Variants in TTC28 observed in about 807,000 individuals in gnomAD.
The protein encoded by TTC28 is tetratricopeptide repeat domain 28, also known as tetratricopeptide repeat protein 28.
Under a neutral mutation model 198.0 loss-of-function variants are expected in TTC28, and 61 were observed. The observed-to-expected ratio is 0.31, with a 90% CI of 0.25 to 0.38. The LOEUF is 0.38. Ranked by LOEUF, TTC28 falls within the 10% of genes least tolerant of loss-of-function variation. TTC28 has a pLI of 1.00. For synonymous variants in TTC28, 1,171 were observed against 1,297.8 expected (o/e 0.90, Z 2.10); for missense variants, 2,678 against 3,164.0 (o/e 0.85, Z 3.69).
At chr22:28,484,825 T>C (rs568877989) in intron 2 of TTC28, among the ~76,000 whole-genome samples, 45 of 152,350 alleles carry the variant, frequency 3.0e-4, no homozygotes, top group Admixed American at 2.9e-3. Flanking sequence ...AAGACTCTTC[T>C]GGGTTATTTC....
At chr22:28,160,431 A>C (rs1223599547) in intron 6 of TTC28, among the ~76,000 whole-genome samples, 1 of 152,230 alleles carries the variant, frequency 6.6e-6, no homozygotes, top group Non-Finnish European at 1.5e-5. Flanking sequence ...ATCAAGGAAC[A>C]AAATATGACA....
chr22:28,601,653 T>A (rs2050640051), intron 2 of TTC28, among the ~76,000 whole-genome samples: 1 of 151,966 alleles, frequency 6.6e-6, no homozygotes, highest in Admixed American at 6.6e-5. Flanking sequence ...CTGGAACCAA[T>A]CTCCCAAGAT....
intron 2 of TTC28, among the ~76,000 whole-genome samples, chr22:28,444,829 C>G (rs976313883): frequency 6.6e-6 from 1 of 152,194 alleles, no homozygotes; most frequent in African/African-American, 2.4e-5. Flanking sequence ...CTGCCAGTCC[C>G]TGTTCCAAGT....
intron 2 of TTC28, among the ~76,000 whole-genome samples, chr22:28,612,756 A>G (rs765988043): frequency 2.0e-5 from 3 of 152,154 alleles, no homozygotes; most frequent in Non-Finnish European, 4.4e-5. Context: ...GAAATTAAGG[A>G]AGAAATAAAG....
intron 12 of TTC28, among the ~76,000 whole-genome samples, chr22:28,083,686 C>T (rs923992883): frequency 1.3e-5 from 2 of 152,192 alleles, no homozygotes; most frequent in Admixed American, 6.5e-5. Flanking sequence ...GTGCAGCGCA[C>T]CGTGCATGAG....
In TTC28 at chr22:28,679,128, C is replaced by G. The variant is rs545355789; in HGVS notation, c.102+494G>C. On this transcript the variant is annotated intron_variant, in intron 1 of 22. Coordinates refer to ENST00000397906, the MANE Select transcript of TTC28 (RefSeq NM_001145418.2). Reference sequence around the variant, plus strand: ...GTGGGTGGAACGCTTTTCAAAACAACGCTCTTTGATGAGCCACCGACAGAC... The same window carrying G: ...GTGGGTGGAACGCTTTTCAAAACAAGGCTCTTTGATGAGCCACCGACAGAC... 2.6e-5 allele frequency among the ~76,000 whole-genome samples: 4 copies of G among 152,216 alleles called. No homozygotes were observed. In the South Asian group the frequency reaches 8.3e-4, roughly 31 times the overall value.
At chr22:28,141,511 T>C (rs529240466) in intron 6 of TTC28, among the ~76,000 whole-genome samples, 1 of 152,292 alleles carries the variant, frequency 6.6e-6, no homozygotes, top group South Asian at 2.1e-4. Flanking sequence ...CGGATACATA[T>C]ATACACTGCA....
intron 12 of TTC28, among the ~76,000 whole-genome samples, chr22:28,033,488 G>T (rs983574046): frequency 6.6e-6 from 1 of 152,098 alleles, no homozygotes; most frequent in African/African-American, 2.4e-5. Flanking sequence ...AACTACAGGG[G>T]CTAAACAGAT....
intron 12 of TTC28, among the ~76,000 whole-genome samples, chr22:28,056,727 T>C (rs926329818): frequency 3.3e-5 from 5 of 152,218 alleles, no homozygotes; most frequent in African/African-American, 4.8e-5. Flanking sequence ...TGCACTTGTG[T>C]TCATAACTCT....
At chr22:28,063,428 G>A (rs1282440094) in intron 12 of TTC28, among the ~76,000 whole-genome samples, 1 of 152,152 alleles carries the variant, frequency 6.6e-6, no homozygotes, top group Non-Finnish European at 1.5e-5. Flanking sequence ...AACACACTCT[G>A]CCATTCCTTT....
At chr22:28,467,213 G>A (rs1035023703) in intron 2 of TTC28, among the ~76,000 whole-genome samples, 8 of 152,284 alleles carry the variant, frequency 5.3e-5, no homozygotes, top group South Asian at 2.1e-4. Context: ...TTGAGCCCAG[G>A]AATTTGAGCC....
intron 2 of TTC28, among the ~76,000 whole-genome samples, chr22:28,580,405 A>T (rs1160782510): frequency 6.6e-6 from 1 of 152,072 alleles, no homozygotes; most frequent in African/African-American, 2.4e-5. Context: ...GTATTTTTTT[A>T]AACTTTAATT....
rs550591854 is a variant in TTC28, at chr22:28,552,852, T to G, written c.381+76700A>C. Among the ~76,000 whole-genome samples, 395 of 149,164 alleles carry G rather than the reference T, an allele frequency of 2.6e-3. 3 individuals are homozygous for G. Among genetic ancestry groups the G allele is most frequent in the Middle Eastern group, 0.021 (6 of 290 alleles). On this transcript the variant is annotated intron_variant, in intron 2 of 22. Coordinates refer to ENST00000397906, the MANE Select transcript of TTC28 (RefSeq NM_001145418.2). ...CTGATGCCGAGCCAAAGCTGGACTG[T>G]ACTGCCGCCATCTCAGCTCACTGCA...
chr22:28,679,433 T>G (rs984366485), intron 1 of TTC28, among the ~76,000 whole-genome samples, 189 bp downstream of exon 1: 1 of 151,290 alleles, frequency 6.6e-6, no homozygotes, highest in African/African-American at 2.4e-5. Context: ...ACACACACTC[T>G]CGCGGAAACT....
intron 2 of TTC28, among the ~76,000 whole-genome samples, chr22:28,315,647 TC>T (rs2045339899): frequency 6.6e-6 from 1 of 152,208 alleles, no homozygotes; most frequent in Non-Finnish European, 1.5e-5. Context: ...TAAGTTCCTT[TC>T]TTTTTTAGTT....
At chr22:28,386,258 G>C (rs2046586152) in intron 2 of TTC28, among the ~76,000 whole-genome samples, 2 of 95,038 alleles carry the variant, frequency 2.1e-5, no homozygotes, top group African/African-American at 8.0e-5. Flanking sequence ...CTGGGCGACA[G>C]AGCGAGACTC....
intron 14 of TTC28, chr22:28,008,435 T>A (rs999897412): frequency 2.6e-5 from 4 of 152,262 alleles, no homozygotes; most frequent in African/African-American, 7.2e-5. Context: ...AACAGGTGAC[T>A]CCACACTTCA....
chr22:28,186,705 C>G (rs544178288), intron 5 of TTC28, among the ~76,000 whole-genome samples: 1 of 152,170 alleles, frequency 6.6e-6, no homozygotes, highest in African/African-American at 2.4e-5. Context: ...ACCTCAGAAG[C>G]CTCTTTCTGA....
At chr22:28,466,820 T>TACACAC (rs58512456) in intron 2 of TTC28, among the ~76,000 whole-genome samples, 41,913 of 143,620 alleles carry the variant, frequency 0.29, 6,155 homozygotes, top group Admixed American at 0.41. Context: ...TATACATACA[T>TACACAC]ACACACACAC....
Sources: gnomAD v4.1 joint callset for allele counts (sites outside exome capture counted in the v4.1 genomes callset) on GRCh38, gnomAD v4.1.1 for gene constraint, MANE v1.5 for transcripts, NCBI Gene and HGNC (gene_info 2026-07-23, HGNC 2026-07-21) for gene names.